The following PLEKHA1 variants were observed in gnomAD, a reference collection of about 807,000 sequenced individuals.
PLEKHA1 encodes pleckstrin homology domain-containing family A member 1.
A neutral mutation model predicts 52.0 loss-of-function variants in PLEKHA1; 34 were observed. That is an observed-to-expected ratio of 0.65 (90% confidence interval 0.50 to 0.87). PLEKHA1 has a LOEUF of 0.87. Ranked by LOEUF, PLEKHA1 falls within the 40% of genes least tolerant of loss-of-function variation. The pLI, the probability that PLEKHA1 is intolerant of heterozygous loss-of-function variation, is 0.00. For synonymous variants in PLEKHA1, 163 were observed against 170.7 expected (o/e 0.95, Z 0.35); for missense variants, 497 against 504.2 (o/e 0.99, Z 0.14).
At position 122,393,749 on chromosome 10, in the gene PLEKHA1, A is replaced by C. The variant is rs184788086; in HGVS notation, c.141+408A>C. On this transcript the variant is annotated intron_variant, in intron 2 of 11. Coordinates refer to ENST00000368990, the MANE Select transcript of PLEKHA1 (RefSeq NM_001001974.4). The surrounding 1 kb of genome is among the most constrained non-coding windows in gnomAD (Gnocchi z 4.5). ...GATAGATGATTTTCTTGCATTAAGG[A>C]GGCTTAATACCAGGGTCCCTTTAGT... Among the ~76,000 whole-genome samples, 382 of 152,326 alleles carry C rather than the reference A, an allele frequency of 2.5e-3. 4 individuals carry two copies. Among genetic ancestry groups the C allele is most frequent in the African/African-American group, 8.2e-3 (343 of 41,580 alleles).
intron 2 of PLEKHA1, among the ~76,000 whole-genome samples, chr10:122,397,325 T>C (rs1451865866): frequency 6.6e-6 from 1 of 152,046 alleles, no homozygotes; most frequent in Non-Finnish European, 1.5e-5. Flanking sequence ...GCAAACCACA[T>C]CTGAAACTTA....
At chr10:122,424,015 A>G (rs1011222408) in intron 8 of PLEKHA1, 184 bp from the exon 9 acceptor site, 3 of 736,218 alleles carry the variant, frequency 4.1e-6, no homozygotes, top group Non-Finnish European at 4.2e-6. Context: ...CAGTGTATAT[A>G]AGGTTATAGT....
At chr10:122,379,942 T>C (rs1475536091) in intron 1 of PLEKHA1, among the ~76,000 whole-genome samples, 1 of 152,228 alleles carries the variant, frequency 6.6e-6, no homozygotes, top group Non-Finnish European at 1.5e-5. Flanking sequence ...AATTTATGAC[T>C]GATTTGTAAG....
intron 4 of PLEKHA1, among the ~76,000 whole-genome samples, chr10:122,404,895 C>T (rs2134397996): frequency 6.6e-6 from 1 of 152,262 alleles, no homozygotes; most frequent in Admixed American, 6.5e-5. Flanking sequence ...TTTGCATTTC[C>T]CCTTCTCAGT....
At position 122,412,966 on chromosome 10, in the gene PLEKHA1, GC is replaced by G; in HGVS notation, c.391del (p.His131MetfsTer30). ...CAGCCTAATTCTGATAACCTAAGTCGCCATGGTGAATGTGGGAAAAAGCAAG... is the reference window on the plus strand; with the variant it reads ...CAGCCTAATTCTGATAACCTAAGTCGCATGGTGAATGTGGGAAAAAGCAAG... The part of the protein sequence containing the change: ...DSQPNSDNLS[R>X]HGECGKKQVS... On this transcript the variant is annotated frameshift_variant, in exon 6 of 12. Coordinates refer to ENST00000368990, the MANE Select transcript of PLEKHA1 (RefSeq NM_001001974.4). LOFTEE classifies it high-confidence loss of function. The G allele has an allele frequency of 6.2e-7, 1 of 1,613,346 alleles. No homozygotes were observed. Among genetic ancestry groups the G allele is most frequent in the Non-Finnish European group, 8.5e-7 (1 of 1,179,552 alleles).
chr10:122,432,265 C>G lies in PLEKHA1; in HGVS notation c.*2327C>G, dbSNP rs1397374301. The G allele has an allele frequency of 1.3e-5, 2 of 152,094 alleles. No individual in the cohort carries two copies. The highest frequency in any genetic ancestry group is 4.8e-5 in the African/African-American group (2 of 41,414). The allele number at this position is 152,094 out of a possible 1,614,324, so 9.4% of individuals were successfully genotyped here. On this transcript the variant is annotated 3_prime_UTR_variant, in exon 12 of 12. Transcript: ENST00000368990. Reference sequence around the variant, plus strand: ...AGAATGGGAATATATGTGTGCCTCCCAACATTTACTGTTAAAGTGTGTTAT... The same window carrying G: ...AGAATGGGAATATATGTGTGCCTCCGAACATTTACTGTTAAAGTGTGTTAT...
chr10:122,434,528 G>C (rs923670571), downstream of PLEKHA1: 1 of 151,790 alleles, frequency 6.6e-6, no homozygotes, highest in Non-Finnish European at 1.5e-5. Context: ...CATCTGTCTT[G>C]GTAATTATTA....
rs7087505 is a variant in PLEKHA1, at chr10:122,382,234, T to C, written c.-21+7428T>C. Among the ~76,000 whole-genome samples, 801 of 152,332 alleles carry C rather than the reference T, an allele frequency of 5.3e-3. 8 individuals carry two copies. Among genetic ancestry groups the C allele is most frequent in the African/African-American group, 0.018 (763 of 41,572 alleles). On this transcript the variant is annotated intron_variant, in intron 1 of 11. Transcript: ENST00000368990. ...ACCACAATCAATTTTAGAATATTAG[T>C]ATCATCCCCAAAGAAACCCTGTACC... is the stretch of plus-strand genomic sequence containing the variant.
Position 122,418,043 on chromosome 10 carries a change from C to T in PLEKHA1, c.681+75C>T, listed in dbSNP as rs1163528966. The T allele has an allele frequency of 4.3e-6, 5 of 1,172,754 alleles. No individual in the cohort carries two copies. In the Admixed American group the frequency reaches 7.2e-5, roughly 17 times the overall value. 72.6% of individuals were successfully genotyped at this position (1,172,754 alleles called of 1,614,324 possible). Reference sequence around the variant, plus strand: ...GCAATGTAGTGATTATATATAATTTCTTGTACTGTTCTGTAGTTTCAGAAT... The same window carrying T: ...GCAATGTAGTGATTATATATAATTTTTTGTACTGTTCTGTAGTTTCAGAAT... On this transcript the variant is annotated intron_variant, in intron 8 of 11. Transcript: ENST00000368990.
intron 7 of PLEKHA1, 107 bp downstream of exon 7, chr10:122,416,109 A>G: frequency 8.1e-7 from 1 of 1,234,162 alleles, no homozygotes; most frequent in Non-Finnish European, 1.1e-6. Flanking sequence ...ACCCAAAGTG[A>G]GAGACCGGCA....
intron 3 of PLEKHA1, among the ~76,000 whole-genome samples, chr10:122,399,489 A>G (rs1341810544): frequency 6.6e-6 from 1 of 152,166 alleles, no homozygotes; most frequent in Non-Finnish European, 1.5e-5. Context: ...ATCCAGTCCC[A>G]TTTTGATCTC....
At position 122,431,719 on chromosome 10, in the gene PLEKHA1, TA is replaced by T. The variant is rs1432931240; in HGVS notation, c.*1782del. ...CTCAACTTTTTTATTCATAAGCTAA[TA>T]TTTTTTTAAAGTTACATTAAGATTT... is the stretch of plus-strand genomic sequence containing the variant. On this transcript the variant is annotated 3_prime_UTR_variant, in exon 12 of 12. Transcript: ENST00000368990. The T allele has an allele frequency of 1.3e-5, 2 of 152,642 alleles. No homozygotes were observed. Among genetic ancestry groups the T allele is most frequent in the African/African-American group, 4.8e-5 (2 of 41,468 alleles). 9.5% of individuals were successfully genotyped at this position (152,642 alleles called of 1,614,324 possible). A position where few individuals can be genotyped will look rare whatever the true frequency, so the allele number is the denominator to read the frequency against.
intron 10 of PLEKHA1, chr10:122,425,774 A>G (rs1441076236): frequency 6.6e-6 from 1 of 151,986 alleles, no homozygotes; most frequent in Non-Finnish European, 1.5e-5. Flanking sequence ...ATTGAAGTTA[A>G]ATATGCTTAT....
intron 2 of PLEKHA1, among the ~76,000 whole-genome samples, chr10:122,395,627 C>G (rs1407961549): frequency 6.6e-6 from 1 of 151,680 alleles, no homozygotes; most frequent in Non-Finnish European, 1.5e-5. Flanking sequence ...AATCTAGTTG[C>G]TTATGTCAAA....
chr10:122,398,826 A>G (rs947590131), intron 3 of PLEKHA1, among the ~76,000 whole-genome samples: 5 of 152,160 alleles, frequency 3.3e-5, no homozygotes, highest in African/African-American at 1.2e-4. Context: ...AATACTTTAT[A>G]TTAGTATTAC....
intron 5 of PLEKHA1, among the ~76,000 whole-genome samples, chr10:122,410,951 A>G (rs1158385363): frequency 3.3e-5 from 5 of 152,120 alleles, no homozygotes; most frequent in Non-Finnish European, 7.4e-5. Context: ...CAATGAGATA[A>G]CTGGGCCATA....
intron 1 of PLEKHA1, chr10:122,386,805 A>G (rs2096706475): frequency 6.6e-6 from 1 of 152,098 alleles, no homozygotes; most frequent in Non-Finnish European, 1.5e-5. Context: ...TCCTTAAGGG[A>G]TTGGTAGAAT....
At chr10:122,427,675 A>G (rs575737329) in intron 11 of PLEKHA1, among the ~76,000 whole-genome samples, 174 of 152,266 alleles carry the variant, frequency 1.1e-3, no homozygotes, top group African/African-American at 4.1e-3. Flanking sequence ...GCTCAGAAAT[A>G]TTTTTTTAAA....
rs1448606794 is a variant in PLEKHA1 at position 122,385,340 on chromosome 10, G to A, written c.-20-7841G>A. 2.2e-4 allele frequency among the ~76,000 whole-genome samples: 27 copies of A among 124,922 alleles called. 1 individual carries two copies. Among genetic ancestry groups the A allele is most frequent in the Admixed American group, 1.9e-3 (22 of 11,336 alleles). 82.0% of individuals were successfully genotyped at this position (124,922 alleles called of 152,430 possible). A position where few individuals can be genotyped will look rare whatever the true frequency, so the allele number is the denominator to read the frequency against. On this transcript the variant is annotated intron_variant, in intron 1 of 11. Transcript: ENST00000368990. Reference sequence around the variant, plus strand: ...TTTTTTTTTTTTTTTTTTTTGAGGCGGAGTTTCGCTCTTGCTGCTCAGGCT... The same window carrying A: ...TTTTTTTTTTTTTTTTTTTTGAGGCAGAGTTTCGCTCTTGCTGCTCAGGCT...
Sources: allele counts gnomAD v4.1 joint callset (sites outside exome capture counted in the v4.1 genomes callset), GRCh38; gene constraint gnomAD v4.1.1; non-coding constraint Gnocchi (gnomAD v3.1); transcripts MANE v1.5; gene names NCBI Gene and HGNC (gene_info 2026-07-23, HGNC 2026-07-21).